The following IL3RA variants were observed in gnomAD, a reference collection of about 807,000 sequenced individuals.
IL3RA encodes the protein interleukin-3 receptor subunit alpha.
In IL3RA, 73 loss-of-function variants were observed where a neutral mutation model predicts 52.3. That is an observed-to-expected ratio of 1.40 (90% CI 1.16 to 1.70). The LOEUF is 1.70. IL3RA is among the 40% of genes most tolerant of loss of function. The pLI is 0.00. For synonymous variants in IL3RA, 260 were observed against 194.0 expected (o/e 1.34, Z -2.83); for missense variants, 664 against 504.4 (o/e 1.32, Z -3.03).
chrX:1,370,918 T>C (rs1179027378), intron 9 of IL3RA, among the ~76,000 whole-genome samples: 16 of 15,396 alleles, frequency 1.0e-3, no homozygotes, highest in Admixed American at 1.8e-3. Context: ...AGAATCAATG[T>C]GTTTTGTTTC....
At position 1,358,811 on chromosome X, in the gene IL3RA, T is replaced by C. The variant is rs777778749; in HGVS notation, c.733-50T>C. On this transcript the variant is annotated intron_variant, in intron 7 of 11. Coordinates refer to ENST00000331035, the MANE Select transcript of IL3RA (RefSeq NM_002183.4). The stretch of plus-strand genomic sequence containing the variant: ...AAATTTGAGTTTGGGAGGAGGAGGC[T>C]TTCAGGGACGGTCCAGACACTCAAA... The C allele has an allele frequency of 3.1e-6, 5 of 1,609,130 alleles. No individual in the cohort carries two copies. The African/African-American group carries it at 6.7e-5, about 21-fold the overall frequency.
At chrX:1,358,300 G>A (rs2086891488) in intron 7 of IL3RA, among the ~76,000 whole-genome samples, 1 of 151,984 alleles carries the variant, frequency 6.6e-6, no homozygotes, top group Non-Finnish European at 1.5e-5. Context: ...GGAGGACGGT[G>A]GGTCTTGTTT....
chrX:1,352,672 G>A (rs1273708130), intron 6 of IL3RA, among the ~76,000 whole-genome samples, 166 bp downstream of exon 6: 1 of 152,172 alleles, frequency 6.6e-6, no homozygotes, highest in African/African-American at 2.4e-5. Flanking sequence ...TGGGCTCCTC[G>A]GGAGGTCTCT....
In IL3RA at chrX:1,348,444, G is replaced by A; in HGVS notation, c.197G>A (p.Ser66Asn). Residue 66 changes from serine to asparagine, a missense_variant, in exon 4 of 12, where the codon AGC becomes AAC. Ser to Asn is a conservative substitution (Grantham distance 46, BLOSUM62 1). Coordinates refer to ENST00000331035, the MANE Select transcript of IL3RA (RefSeq NM_002183.4). ...ADYSMPAVNN[S>N]YCQFGAISLC... ...TGTCTCTCTTAGGCAGTGAACAATAGCTATTGCCAGTTTGGAGCAATTTCC... is the reference window on the plus strand; with the variant it reads ...TGTCTCTCTTAGGCAGTGAACAATAACTATTGCCAGTTTGGAGCAATTTCC... 6.2e-7 allele frequency: 1 copy of A among 1,613,468 alleles called. No individual in the cohort carries two copies. Among genetic ancestry groups the A allele is most frequent in the Non-Finnish European group, 8.5e-7 (1 of 1,179,446 alleles).
chrX:1,355,426 GA>G, intron 6 of IL3RA, among the ~76,000 whole-genome samples: 1 of 120,354 alleles, frequency 8.3e-6, no homozygotes, highest in Non-Finnish European at 1.8e-5. Flanking sequence ...GGGAGGAGGG[GA>G]GGGGAGGGGA....
chrX:1,346,338 C>T (rs1215622192), intron 3 of IL3RA, among the ~76,000 whole-genome samples: 2 of 151,944 alleles, frequency 1.3e-5, no homozygotes, highest in African/African-American at 4.8e-5. Flanking sequence ...ACTTGGGAGG[C>T]TGAGGCAGGA....
intron 4 of IL3RA, among the ~76,000 whole-genome samples, chrX:1,350,352 G>A (rs1215991167): frequency 6.6e-6 from 1 of 151,964 alleles, no homozygotes; most frequent in Non-Finnish European, 1.5e-5. Flanking sequence ...CACTTTGGGA[G>A]GCCGAGGCAG....
intron 9 of IL3RA, among the ~76,000 whole-genome samples, chrX:1,377,001 C>T (rs2088795807): frequency 6.8e-6 from 1 of 148,142 alleles, no homozygotes; most frequent in African/African-American, 2.5e-5. Flanking sequence ...CTAAGCCGCC[C>T]AGCCTCTGGT....
At chrX:1,363,162 C>G (rs750664076) in intron 8 of IL3RA, among the ~76,000 whole-genome samples, 1 of 152,070 alleles carries the variant, frequency 6.6e-6, no homozygotes, top group African/African-American at 2.4e-5. Context: ...TATATCTTAA[C>G]GACATCTGCC....
At chrX:1,344,706 G>T (rs1357771170) in intron 2 of IL3RA, among the ~76,000 whole-genome samples, 1 of 151,560 alleles carries the variant, frequency 6.6e-6, no homozygotes, top group African/African-American at 2.4e-5. Flanking sequence ...CCGGGAGGTA[G>T]AGGTTGCGGT....
rs1203847511 is a variant in IL3RA, at chrX:1,348,535, C to A, written c.288C>A (p.Phe96Leu). Residue 96 changes from phenylalanine (F) to leucine (L), a missense_variant, in exon 4 of 12, where the codon TTC becomes TTA. Physicochemically the swap from Phe to Leu is conservative, Grantham distance 22 (BLOSUM62 0). Transcript: ENST00000331035. ...ANPPFSTWIL[F>L]PENSGKPWAG... The stretch of plus-strand genomic sequence containing the variant: ...CACCATTCTCCACGTGGATCCTCTT[C>A]CCTGAGAACAGTGAGAAAAATGTTC... The A allele has an allele frequency of 6.2e-7, 1 of 1,611,960 alleles. No individual in the cohort carries two copies. The highest frequency in any genetic ancestry group is 2.2e-5 in the East Asian group (1 of 44,868).
At chrX:1,356,428 A>G (rs34573150) in intron 7 of IL3RA, 92 bp downstream of exon 7, 374,982 of 732,060 alleles carry the variant, frequency 0.51, 98,052 homozygotes, top group South Asian at 0.59. Context: ...ACGGGCAACA[A>G]TCTCCTCTGA....
At chrX:1,355,214 AG>A (rs1490364349) in intron 6 of IL3RA, among the ~76,000 whole-genome samples, 2 of 4,010 alleles carry the variant, frequency 5.0e-4, no homozygotes, top group Non-Finnish European at 4.3e-4. Flanking sequence ...AGGAGGGTGG[AG>A]GGGGAGGAGG....
In IL3RA at chrX:1,345,726, G is replaced by A. The variant is rs375037110; in HGVS notation, c.183+292G>A. On this transcript the variant is annotated intron_variant, in intron 3 of 11. Transcript: ENST00000331035. The stretch of plus-strand genomic sequence containing the variant: ...AGGAGGGTCTCGATCTCCTGACCTC[G>A]TGATCTGCCCGCCTCGGCCTCCCAA... Among the ~76,000 whole-genome samples the A allele has an allele frequency of 2.0e-4, 30 of 151,870 alleles. No individual in the cohort carries two copies. In the East Asian group the frequency reaches 3.7e-3, roughly 19 times the overall value.
intron 3 of IL3RA, among the ~76,000 whole-genome samples, chrX:1,347,324 G>A (rs1306538924): frequency 6.0e-5 from 9 of 150,872 alleles, no homozygotes; most frequent in Non-Finnish European, 1.2e-4. Context: ...GGTGCCTGTA[G>A]TCCCAGCTAC....
chrX:1,350,521 G>A (rs1447203076), intron 4 of IL3RA, among the ~76,000 whole-genome samples: 1 of 149,994 alleles, frequency 6.7e-6, no homozygotes, highest in Middle Eastern at 3.3e-3. Context: ...CCCGGGAGGC[G>A]GAGATTGCGG....
At chrX:1,361,636 C>G (rs2087379813) in intron 8 of IL3RA, among the ~76,000 whole-genome samples, 1 of 151,698 alleles carries the variant, frequency 6.6e-6, no homozygotes, top group African/African-American at 2.4e-5. Flanking sequence ...GCCTGTGGTC[C>G]CAGCTACTCG....
At position 1,347,169 on chromosome X, in the gene IL3RA, G is replaced by A. The variant is rs187755175; in HGVS notation, c.184-1262G>A. ...TGCTATAAGAATACACAAGTAGGCC[G>A]GGCGTGGTGGCTCACGCCTGTCATC... On this transcript the variant is annotated intron_variant, in intron 3 of 11. Transcript: ENST00000331035. 3.0e-3 allele frequency among the ~76,000 whole-genome samples: 448 copies of A among 151,608 alleles called. 4 individuals carry two copies. The highest frequency in any genetic ancestry group is 6.8e-3 in the Middle Eastern group (2 of 294).
At position 1,360,304 on chromosome X, in the gene IL3RA, G is replaced by GTC. The variant is rs1286177834; in HGVS notation, c.759+1423_759+1424dup. Among the ~76,000 whole-genome samples, 3 of 16,974 alleles carry GTC rather than the reference G, an allele frequency of 1.8e-4. 1 individual carries two copies. The highest frequency in any genetic ancestry group is 3.8e-4 in the Non-Finnish European group (3 of 7,986). 11.1% of individuals were successfully genotyped at this position (16,974 alleles called of 152,430 possible). A position where few individuals can be genotyped will look rare whatever the true frequency, so the allele number is the denominator to read the frequency against. On this transcript the variant is annotated intron_variant, in intron 8 of 11. Transcript: ENST00000331035. ...CTGGTCTCTATCTCCCCCTCTCCCT[G>GTC]TCTCTCTGTGTCTGTCTCTGTATCT...
Sources: allele counts gnomAD v4.1 joint callset (sites outside exome capture counted in the v4.1 genomes callset), GRCh38; gene constraint gnomAD v4.1.1; transcripts MANE v1.5; gene names NCBI Gene and HGNC (gene_info 2026-07-23, HGNC 2026-07-21).